Variants in CELF2 observed in about 807,000 individuals in gnomAD.
CELF2 encodes CUGBP Elav-like family member 2.
In CELF2, 8 loss-of-function variants were observed where a neutral mutation model predicts 62.6. The observed-to-expected ratio is 0.13, with a 90% confidence interval of 0.07 to 0.23. CELF2 has a LOEUF of 0.23. Among genes scored for constraint, CELF2 ranks in the 10% least tolerant of loss-of-function variants. CELF2 has a pLI of 1.00. For missense variants in CELF2, 333 were observed against 671.0 expected, an observed-to-expected ratio of 0.50 and a Z score of 5.56; for synonymous variants, 258 against 250.0, an observed-to-expected ratio of 1.03 and a Z score of -0.30.
the CELF2 span, among the ~76,000 whole-genome samples, chr10:10,555,509 C>G: frequency 6.6e-6 from 1 of 152,124 alleles, no homozygotes; most frequent in African/African-American, 2.4e-5. Flanking sequence ...GAATGGGACC[C>G]TTTTTATACT....
intron 1 of CELF2, among the ~76,000 whole-genome samples, chr10:10,868,134 C>T (rs1363850891): frequency 6.6e-6 from 1 of 152,176 alleles, no homozygotes; most frequent in Non-Finnish European, 1.5e-5. Context: ...AGCATACCAC[C>T]CCCAGAATTA....
upstream of CELF2, among the ~76,000 whole-genome samples, chr10:10,794,273 C>A (rs1478433339): frequency 6.6e-6 from 1 of 151,704 alleles, no homozygotes; most frequent in Non-Finnish European, 1.5e-5. Flanking sequence ...AATGAATTTC[C>A]AATTAGTCAT....
chr10:11,147,861 C>A (rs907233134), intron 1 of CELF2, among the ~76,000 whole-genome samples: 1 of 152,178 alleles, frequency 6.6e-6, no homozygotes, highest in Non-Finnish European at 1.5e-5. Context: ...GTAAAACTGC[C>A]AAGCAGAGCC....
intron 1 of CELF2, among the ~76,000 whole-genome samples, chr10:11,144,857 ACTT>A (rs2061964048): frequency 7.0e-6 from 1 of 142,856 alleles, no homozygotes; most frequent in Non-Finnish European, 1.5e-5. Context: ...GTGTCACTGC[ACTT>A]AAGCCTGGGC....
chr10:10,873,774 A>G (rs2060909415), intron 1 of CELF2, among the ~76,000 whole-genome samples: 1 of 152,138 alleles, frequency 6.6e-6, no homozygotes. Context: ...GTCCCTATCC[A>G]GTTCTCCCTG....
intron 3 of CELF2, among the ~76,000 whole-genome samples, chr10:11,240,079 T>C (rs988313569): frequency 7.2e-5 from 11 of 152,178 alleles, no homozygotes; most frequent in African/African-American, 2.7e-4. Flanking sequence ...GTGCCTACTA[T>C]GTTAATCGTG....
chr10:10,992,631 C>T (rs1564325947), intron 2 of CELF2, among the ~76,000 whole-genome samples: 1 of 152,070 alleles, frequency 6.6e-6, no homozygotes, highest in Non-Finnish European at 1.5e-5. Context: ...AGAAATATTT[C>T]AGAAGAGGGT....
At chr10:10,600,529 C>T in the CELF2 span, among the ~76,000 whole-genome samples, 1 of 152,086 alleles carries the variant, frequency 6.6e-6, no homozygotes, top group Admixed American at 6.6e-5. Flanking sequence ...AAACAGAAGC[C>T]CAAAGTGGCA....
chr10:11,192,339 A>G (rs888508431), intron 2 of CELF2, among the ~76,000 whole-genome samples: 2 of 152,210 alleles, frequency 1.3e-5, no homozygotes, highest in Admixed American at 6.5e-5. Context: ...CTTTTATTCT[A>G]GTGACATTCA....
chr10:10,712,468 C>CT, the CELF2 span, among the ~76,000 whole-genome samples: 4 of 151,958 alleles, frequency 2.6e-5, no homozygotes, highest in Non-Finnish European at 5.9e-5. Context: ...AATGGACCCT[C>CT]TTTTTTTTAA....
intron 9 of CELF2, among the ~76,000 whole-genome samples, chr10:11,313,056 A>C (rs146743902): frequency 6.6e-6 from 1 of 152,368 alleles, no homozygotes; most frequent in African/African-American, 2.4e-5. Context: ...CTGTCTGTGT[A>C]TTAGAGATGT....
At chr10:11,301,364 A>ACCCCGCTTCCC (rs1224916252) in intron 9 of CELF2, among the ~76,000 whole-genome samples, 40 of 56,412 alleles carry the variant, frequency 7.1e-4, no homozygotes, top group African/African-American at 2.8e-3. Flanking sequence ...CCCGCTCCCC[A>ACCCCGCTTCCC]CCCCGCTTCC....
At chr10:10,668,934 G>A in the CELF2 span, among the ~76,000 whole-genome samples, 1 of 151,968 alleles carries the variant, frequency 6.6e-6, no homozygotes, top group African/African-American at 2.4e-5. Flanking sequence ...CTCCAGCCTG[G>A]GCAACAGAGT....
chr10:11,129,814 CA>C (rs1398707581), intron 1 of CELF2, among the ~76,000 whole-genome samples: 3 of 152,104 alleles, frequency 2.0e-5, no homozygotes, highest in Non-Finnish European at 4.4e-5. Context: ...TTGATCTTTT[CA>C]AAAAACCAGC....
chr10:11,161,239 T>TTGCAG (rs1565002876), intron 1 of CELF2, among the ~76,000 whole-genome samples: 1 of 152,266 alleles, frequency 6.6e-6, no homozygotes, highest in Non-Finnish European at 1.5e-5. Flanking sequence ...GGCGTAGTGC[T>TTGCAG]TGCAGACTTG....
intron 1 of CELF2, among the ~76,000 whole-genome samples, chr10:11,130,623 A>G (rs946451935): frequency 1.3e-5 from 2 of 152,208 alleles, no homozygotes; most frequent in Non-Finnish European, 1.5e-5. Context: ...CAGATGACAC[A>G]TTTTTGAGAG....
intron 1 of CELF2, among the ~76,000 whole-genome samples, chr10:11,037,866 G>T (rs181237176): frequency 6.6e-6 from 1 of 152,112 alleles, no homozygotes; most frequent in African/African-American, 2.4e-5. Flanking sequence ...TTTAAAACAT[G>T]TATAAAGGTA....
the CELF2 span, among the ~76,000 whole-genome samples, chr10:10,533,638 G>A: frequency 2.0e-5 from 3 of 152,190 alleles, no homozygotes; most frequent in Non-Finnish European, 4.4e-5. Context: ...TTGGGCGAAT[G>A]GCTTAATCAC....
In CELF2 at chr10:11,117,887, T is replaced by G. The variant is rs1435652026; in HGVS notation, c.75-47599T>G. ...CATGTCACTCCTCACAGCCTTTTTC[T>G]GCGCTATCCTTTTATACATTTTTTA... is the stretch of plus-strand genomic sequence containing the variant. On this transcript the variant is annotated intron_variant, in intron 1 of 12. Coordinates refer to ENST00000633077, the MANE Select transcript of CELF2 (RefSeq NM_001326342.2). This position sits in a 1 kb window ranked among gnomAD's most constrained non-coding sequence, Gnocchi z 4.1. 1.3e-5 allele frequency among the ~76,000 whole-genome samples: 2 copies of G among 152,192 alleles called. No homozygotes were observed. The highest frequency in any genetic ancestry group is 2.9e-5 in the Non-Finnish European group (2 of 68,016).
Sources: gnomAD v4.1 joint callset for allele counts (sites outside exome capture counted in the v4.1 genomes callset) on GRCh38, gnomAD v4.1.1 for gene constraint, Gnocchi (gnomAD v3.1) non-coding constraint, MANE v1.5 for transcripts, NCBI Gene and HGNC (gene_info 2026-07-23, HGNC 2026-07-21) for gene names.